The following RBFOX1 variants were observed in gnomAD, a reference collection of about 807,000 sequenced individuals.
RBFOX1 encodes RNA binding fox-1 homolog 1, also known as RNA binding protein fox-1 homolog 1.
RBFOX1 carries 8 observed loss-of-function variants against 57.7 expected under a neutral mutation model. The observed-to-expected ratio is 0.14, with a 90% confidence interval of 0.08 to 0.25. The LOEUF is 0.25. Ranked by LOEUF, RBFOX1 falls within the 10% of genes least tolerant of loss-of-function variation. The pLI is 1.00. For synonymous variants in RBFOX1, 326 were observed against 222.4 expected (o/e 1.47, Z -4.15); for missense variants, 611 against 548.5 (o/e 1.11, Z -1.14).
chr16:7,464,723 G>A (rs1002317119), intron 4 of RBFOX1, among the ~76,000 whole-genome samples: 3 of 105,996 alleles, frequency 2.8e-5, no homozygotes, highest in African/African-American at 1.2e-4. Context: ...TTGAGACAGA[G>A]TCTTGCTCTG....
intron 4 of RBFOX1, among the ~76,000 whole-genome samples, chr16:5,886,184 T>C (rs954719032): frequency 4.6e-5 from 7 of 152,176 alleles, no homozygotes; most frequent in Non-Finnish European, 7.3e-5. Flanking sequence ...CTATTCTTCA[T>C]AAATTCCCCA....
chr16:7,363,187 C>T (rs973123924), intron 4 of RBFOX1, among the ~76,000 whole-genome samples: 12 of 152,092 alleles, frequency 7.9e-5, no homozygotes, highest in African/African-American at 2.9e-4. Context: ...AACTGCACAA[C>T]GGATTGCCGT....
intron 3 of RBFOX1, among the ~76,000 whole-genome samples, chr16:5,666,550 T>A (rs928346676): frequency 6.6e-6 from 1 of 152,166 alleles, no homozygotes; most frequent in East Asian, 1.9e-4. Context: ...TTGGAACAGA[T>A]AGATGATATA....
rs937434610 is a variant in RBFOX1 at position 5,350,350 on chromosome 16, A to T, written c.219+110245A>T. Among the ~76,000 whole-genome samples the T allele has an allele frequency of 7.9e-5, 12 of 152,142 alleles. No individual in the cohort carries two copies. In the East Asian group the frequency reaches 1.5e-3, roughly 20 times the overall value. ...AAAGTGAATTGTTTGCTCTGTGGGG[A>T]TGTTCTGGGAAACGGCTGTTGGCTC... On this transcript the variant is annotated intron_variant, in intron 1 of 2. Transcript: ENST00000585867.
chr16:5,837,871 C>G (rs2056509577), intron 3 of RBFOX1, among the ~76,000 whole-genome samples: 1 of 151,962 alleles, frequency 6.6e-6, no homozygotes, highest in Admixed American at 6.6e-5. Context: ...TCAATAAATC[C>G]TTGAGTTGGC....
chr16:5,891,002 C>T (rs2058033442), intron 4 of RBFOX1, among the ~76,000 whole-genome samples: 1 of 152,184 alleles, frequency 6.6e-6, no homozygotes, highest in South Asian at 2.1e-4. Context: ...GATTATAGCT[C>T]ATCTGGTAGG....
At chr16:7,077,455 C>T (rs150561320) in intron 4 of RBFOX1, among the ~76,000 whole-genome samples, 23 of 152,196 alleles carry the variant, frequency 1.5e-4, no homozygotes, top group Admixed American at 4.6e-4. Flanking sequence ...GTCTCAAAGA[C>T]GAACTAATCT....
At chr16:7,460,296 G>A (rs1047226600) in intron 4 of RBFOX1, among the ~76,000 whole-genome samples, 1 of 149,024 alleles carries the variant, frequency 6.7e-6, no homozygotes, top group South Asian at 2.1e-4. Flanking sequence ...TCCCTAGCCA[G>A]CCCACGTATC....
intron 4 of RBFOX1, among the ~76,000 whole-genome samples, chr16:5,956,678 A>ATTTTTTTTTT (rs34743228): frequency 4.8e-4 from 56 of 116,478 alleles, no homozygotes; most frequent in African/African-American, 1.5e-3. Flanking sequence ...ATATATATAT[A>ATTTTTTTTTT]TTTTTTTTGA....
At chr16:6,693,713 C>T (rs569678490) in intron 3 of RBFOX1, among the ~76,000 whole-genome samples, 4 of 151,004 alleles carry the variant, frequency 2.6e-5, no homozygotes, top group East Asian at 3.9e-4. Flanking sequence ...TCCTCCTCCA[C>T]TACCATCACC....
At chr16:5,964,877 TAAAG>T (rs915950277) in intron 4 of RBFOX1, among the ~76,000 whole-genome samples, 3 of 151,978 alleles carry the variant, frequency 2.0e-5, no homozygotes, top group African/African-American at 7.2e-5. Context: ...GCTGAATGGA[TAAAG>T]AAAATGTGGT....
At chr16:5,375,726 T>C (rs547995452) in intron 1 of RBFOX1, among the ~76,000 whole-genome samples, 5 of 152,162 alleles carry the variant, frequency 3.3e-5, no homozygotes, top group Non-Finnish European at 7.3e-5. Flanking sequence ...ATGGGAAACA[T>C]CTTTGGTGGT....
intron 14 of RBFOX1, among the ~76,000 whole-genome samples, chr16:7,700,963 G>C (rs2148128765): frequency 6.6e-6 from 1 of 152,268 alleles, no homozygotes; most frequent in Non-Finnish European, 1.5e-5. Flanking sequence ...TGTATGCATA[G>C]TTCTGATGTA....
chr16:6,842,470 G>A (rs1035419033), intron 3 of RBFOX1, among the ~76,000 whole-genome samples: 25 of 152,002 alleles, frequency 1.6e-4, no homozygotes, highest in South Asian at 4.2e-4. Flanking sequence ...AAATATGAAT[G>A]TGTGTGTTTG....
intron 2 of RBFOX1, among the ~76,000 whole-genome samples, chr16:6,623,767 T>G (rs562691150): frequency 6.6e-6 from 1 of 152,156 alleles, no homozygotes; most frequent in Non-Finnish European, 1.5e-5. Flanking sequence ...CTACAAAGGA[T>G]ATGAACTCAT....
At chr16:6,224,452 A>G (rs1175977126) in intron 1 of RBFOX1, among the ~76,000 whole-genome samples, 5 of 152,014 alleles carry the variant, frequency 3.3e-5, no homozygotes, top group Non-Finnish European at 7.4e-5. Context: ...GTATTTTACA[A>G]ATTCTTAGGC....
At chr16:7,205,117 C>G (rs927644251) in intron 4 of RBFOX1, among the ~76,000 whole-genome samples, 1 of 152,048 alleles carries the variant, frequency 6.6e-6, no homozygotes, top group African/African-American at 2.4e-5. Flanking sequence ...TTTCTCCTCC[C>G]ACCTCCCTTC....
At position 5,916,090 on chromosome 16, in the gene RBFOX1, C is replaced by T. The variant is rs925539648; in HGVS notation, c.351+48755C>T. On this transcript the variant is annotated intron_variant, in intron 4 of 19. Coordinates refer to the RBFOX1 transcript ENST00000641259. Reference sequence around the variant, plus strand: ...AGATTCCTACAGACTGTGTTAAGGACTTTAAGCCGTATCTCAAGTGCAAAT... The same window carrying T: ...AGATTCCTACAGACTGTGTTAAGGATTTTAAGCCGTATCTCAAGTGCAAAT... 4.6e-5 allele frequency among the ~76,000 whole-genome samples: 7 copies of T among 152,066 alleles called. No individual in the cohort carries two copies. In the East Asian group the frequency reaches 1.2e-3, roughly 25 times the overall value.
At chr16:7,288,220 A>G (rs1293333010) in intron 4 of RBFOX1, among the ~76,000 whole-genome samples, 1 of 152,166 alleles carries the variant, frequency 6.6e-6, no homozygotes, top group Non-Finnish European at 1.5e-5. Context: ...ATTCAATTTA[A>G]TTTCTGGAGA....
Sources: gnomAD v4.1 joint callset for allele counts (sites outside exome capture counted in the v4.1 genomes callset) on GRCh38, gnomAD v4.1.1 for gene constraint, MANE v1.5 for transcripts, NCBI Gene and HGNC (gene_info 2026-07-23, HGNC 2026-07-21) for gene names.